The following FSTL4 variants were observed in gnomAD, a reference collection of about 807,000 sequenced individuals.
The protein encoded by FSTL4 is follistatin-related protein 4.
FSTL4 carries 28 observed loss-of-function variants against 78.2 expected under a neutral mutation model. That is an observed-to-expected ratio of 0.36 (90% CI 0.27 to 0.49). The LOEUF (loss-of-function observed/expected upper bound fraction) is 0.49. FSTL4 is among the 20% of genes least tolerant of loss of function. The probability of loss-of-function intolerance (pLI) is 0.98; values close to 1 mark genes in which losing one functional copy is unlikely to be tolerated. For synonymous variants in FSTL4, 422 were observed against 440.5 expected (o/e 0.96, Z 0.53); for missense variants, 922 against 1,084.9 (o/e 0.85, Z 2.11).
chr5:133,774,470 T>G, the FSTL4 span, among the ~76,000 whole-genome samples: 1 of 152,166 alleles, frequency 6.6e-6, no homozygotes, highest in African/African-American at 2.4e-5. Flanking sequence ...TAACAATTAT[T>G]TAGCCCCAAA....
intron 3 of FSTL4, among the ~76,000 whole-genome samples, chr5:133,505,156 C>T (rs576856936): frequency 6.6e-6 from 1 of 152,164 alleles, no homozygotes; most frequent in Non-Finnish European, 1.5e-5. Flanking sequence ...AGAATAATAA[C>T]AAAGACTATT....
At chr5:133,571,435 A>C (rs761441159) in intron 2 of FSTL4, among the ~76,000 whole-genome samples, 2 of 152,244 alleles carry the variant, frequency 1.3e-5, no homozygotes, top group African/African-American at 2.4e-5. Flanking sequence ...AAATCCAAGA[A>C]AACAGACCAC....
chr5:133,732,573 A>G, the FSTL4 span, among the ~76,000 whole-genome samples: 1 of 152,128 alleles, frequency 6.6e-6, no homozygotes, highest in Non-Finnish European at 1.5e-5. Flanking sequence ...GAAAACTACC[A>G]TCTCACCAGT....
At chr5:133,724,062 C>A in the FSTL4 span, among the ~76,000 whole-genome samples, 1 of 152,208 alleles carries the variant, frequency 6.6e-6, no homozygotes, top group African/African-American at 2.4e-5. Context: ...AGGACACACC[C>A]CAGCAGTGGC....
the FSTL4 span, among the ~76,000 whole-genome samples, chr5:133,628,357 T>C: frequency 7.4e-6 from 1 of 134,918 alleles, no homozygotes; most frequent in Non-Finnish European, 1.5e-5. Flanking sequence ...TTTTCTTTTC[T>C]TTTCTTTTCT....
intron 3 of FSTL4, among the ~76,000 whole-genome samples, chr5:133,562,846 G>A (rs1759945512): frequency 6.6e-6 from 1 of 152,202 alleles, no homozygotes; most frequent in Non-Finnish European, 1.5e-5. Context: ...GCTCATGGCT[G>A]TAATTCAACA....
intron 3 of FSTL4, among the ~76,000 whole-genome samples, chr5:133,542,615 G>A (rs986922957): frequency 6.6e-6 from 1 of 152,132 alleles, no homozygotes; most frequent in Non-Finnish European, 1.5e-5. Flanking sequence ...TTAGAAATCT[G>A]ATTATATTTC....
At chr5:133,825,459 T>C in the FSTL4 span, among the ~76,000 whole-genome samples, 1 of 152,248 alleles carries the variant, frequency 6.6e-6, no homozygotes, top group Non-Finnish European at 1.5e-5. Flanking sequence ...TACCACTGCA[T>C]TGACCTTTGC....
intron 3 of FSTL4, among the ~76,000 whole-genome samples, chr5:133,444,761 T>C (rs1757226520): frequency 6.6e-6 from 1 of 152,188 alleles, no homozygotes; most frequent in South Asian, 2.1e-4. Flanking sequence ...AGATACGTGG[T>C]GCTTATTAGC....
chr5:133,395,078 A>G (rs1755975465), intron 4 of FSTL4, among the ~76,000 whole-genome samples: 2 of 152,100 alleles, frequency 1.3e-5, no homozygotes, highest in Admixed American at 1.3e-4. Flanking sequence ...TGTAAAACAG[A>G]CCAATCAGCT....
intron 4 of FSTL4, among the ~76,000 whole-genome samples, chr5:133,324,747 G>C: frequency 6.6e-6 from 1 of 152,334 alleles, no homozygotes; most frequent in African/African-American, 2.4e-5. Flanking sequence ...TGGGCTTGGA[G>C]AGTGGCTACG....
chr5:133,302,099 G>A (rs1753554828), intron 6 of FSTL4, among the ~76,000 whole-genome samples: 1 of 151,962 alleles, frequency 6.6e-6, no homozygotes, highest in Non-Finnish European at 1.5e-5. Flanking sequence ...TCAAAATCAG[G>A]ATCCCAAGGG....
At chr5:133,473,913 A>T (rs1285915017) in intron 3 of FSTL4, among the ~76,000 whole-genome samples, 1 of 152,028 alleles carries the variant, frequency 6.6e-6, no homozygotes, top group African/African-American at 2.4e-5. Context: ...AGCATGGGGG[A>T]GCTGCCCCCA....
intron 4 of FSTL4, among the ~76,000 whole-genome samples, chr5:133,337,519 T>G (rs1470037772): frequency 1.3e-5 from 2 of 152,158 alleles, no homozygotes; most frequent in Non-Finnish European, 2.9e-5. Flanking sequence ...CAAAGCGCCG[T>G]GATTATAGCT....
At chr5:133,438,108 T>A (rs1035325755) in intron 3 of FSTL4, among the ~76,000 whole-genome samples, 5 of 152,226 alleles carry the variant, frequency 3.3e-5, no homozygotes, top group Non-Finnish European at 7.3e-5. Context: ...AGGTGGAGCA[T>A]GACTTGAAGT....
intron 2 of FSTL4, among the ~76,000 whole-genome samples, chr5:133,572,719 A>AT (rs527887333): frequency 8.5e-5 from 13 of 152,268 alleles, no homozygotes; most frequent in Admixed American, 3.9e-4. Flanking sequence ...TAGTAATATG[A>AT]TTTTTTTAAA....
chr5:133,680,672 T>G, the FSTL4 span, among the ~76,000 whole-genome samples: 1 of 152,154 alleles, frequency 6.6e-6, no homozygotes, highest in African/African-American at 2.4e-5. Flanking sequence ...GTCAGCCCCA[T>G]GAGACAAGGC....
chr5:133,342,544 T>A (rs547047313), intron 4 of FSTL4, among the ~76,000 whole-genome samples: 1 of 152,126 alleles, frequency 6.6e-6, no homozygotes, highest in African/African-American at 2.4e-5. Flanking sequence ...ACATTTGGAG[T>A]CGGCCTCTGC....
chr5:133,449,711 T>A (rs1454253873), intron 3 of FSTL4, among the ~76,000 whole-genome samples: 1 of 152,164 alleles, frequency 6.6e-6, no homozygotes, highest in Non-Finnish European at 1.5e-5. Context: ...TTCCCAGACT[T>A]CTGTCTGAGA....
Sources: gnomAD v4.1 joint callset for allele counts (sites outside exome capture counted in the v4.1 genomes callset) on GRCh38, gnomAD v4.1.1 for gene constraint, MANE v1.5 for transcripts, NCBI Gene and HGNC (gene_info 2026-07-23, HGNC 2026-07-21) for gene names.